The following HEPH variants were observed in gnomAD, a reference collection of about 807,000 sequenced individuals.
HEPH encodes hephaestin.
Under a neutral mutation model 80.8 loss-of-function variants are expected in HEPH, and 69 were observed. The observed-to-expected ratio is 0.85, with a 90% confidence interval of 0.70 to 1.04. HEPH has a LOEUF of 1.04. HEPH is among the 50% of genes least tolerant of loss of function. HEPH has a pLI of 0.00. For synonymous variants in HEPH, 431 were observed against 322.8 expected, an observed-to-expected ratio of 1.34 and a Z score of -3.60; for missense variants, 1,115 against 891.3, an observed-to-expected ratio of 1.25 and a Z score of -3.20.
chrX:66,224,583 G>C (rs1490265150), intron 15 of HEPH, among the ~76,000 whole-genome samples: 1 of 111,946 alleles, frequency 8.9e-6, no homozygotes, highest in African/African-American at 3.2e-5. Context: ...TTTTCTGTTA[G>C]CAAAGCTCTT....
intron 4 of HEPH, among the ~76,000 whole-genome samples, chrX:66,187,946 C>T (rs2087558721): frequency 9.0e-6 from 1 of 111,583 alleles, no homozygotes; most frequent in Non-Finnish European, 1.9e-5. Flanking sequence ...GGAGTCAAGT[C>T]GCATTGAAAT....
chrX:66,211,382 T>G (rs929135021), intron 15 of HEPH, among the ~76,000 whole-genome samples: 4 of 111,594 alleles, frequency 3.6e-5, no homozygotes, highest in Non-Finnish European at 7.6e-5. Context: ...GTATAATATA[T>G]TTTTGTTAAG....
In HEPH at chrX:66,207,315, A is replaced by G; in HGVS notation, c.2412A>G (p.Glu804=). ...FRIPRPRTGP[E]EHLGILGPLI... is the part of the protein sequence containing the mutation. ...TCCCTCGGCCAAGGACTGGACCAGA[A>G]GAACACTTGGGAATCTTGGGTAAGG... Residue 804 remains glutamate, a synonymous_variant, in exon 14 of 21, where the codon GAA becomes GAG. Transcript: ENST00000343002. 1 of 1,189,047 alleles carries G rather than the reference A, an allele frequency of 8.4e-7. No individual in the cohort carries two copies. Among genetic ancestry groups the G allele is most frequent in the Non-Finnish European group, 1.1e-6 (1 of 882,781 alleles).
intron 15 of HEPH, among the ~76,000 whole-genome samples, chrX:66,226,014 T>C (rs2089873999): frequency 9.0e-6 from 1 of 111,438 alleles, no homozygotes; most frequent in Non-Finnish European, 1.9e-5. Context: ...GTGAGAGGGT[T>C]GTGATCTATT....
chrX:66,252,571 G>T (rs1463008708), intron 15 of HEPH, among the ~76,000 whole-genome samples: 1 of 111,659 alleles, frequency 9.0e-6, no homozygotes, highest in Non-Finnish European at 1.9e-5. Context: ...GAATATTAGG[G>T]AGCCATTACA....
intron 15 of HEPH, among the ~76,000 whole-genome samples, chrX:66,226,399 A>G (rs1286060329): frequency 8.9e-6 from 1 of 112,289 alleles, no homozygotes; most frequent in Non-Finnish European, 1.9e-5. Context: ...CTGGAGAAAC[A>G]AGAACAAATC....
At chrX:66,262,588 G>C (rs1363597598) in intron 19 of HEPH, among the ~76,000 whole-genome samples, 1 of 111,842 alleles carries the variant, frequency 8.9e-6, no homozygotes, top group Admixed American at 9.5e-5. Context: ...CTTTACAATT[G>C]TGTTATTTTC....
At chrX:66,177,038 G>A (rs1161929636) in intron 4 of HEPH, among the ~76,000 whole-genome samples, 1 of 111,333 alleles carries the variant, frequency 9.0e-6, no homozygotes, top group Non-Finnish European at 1.9e-5. Flanking sequence ...GCAACCTACA[G>A]AATGGAAGAA....
At chrX:66,199,189 A>T (rs1215656159) in intron 11 of HEPH, among the ~76,000 whole-genome samples, 161 bp downstream of exon 11, 1 of 112,228 alleles carries the variant, frequency 8.9e-6, no homozygotes, top group East Asian at 2.8e-4. Flanking sequence ...CAGATCTTAT[A>T]CTTAGTACCT....
chrX:66,223,908 A>T (rs1212582319), intron 15 of HEPH, among the ~76,000 whole-genome samples: 1 of 111,724 alleles, frequency 9.0e-6, no homozygotes, highest in African/African-American at 3.2e-5. Context: ...TCTTGCATAA[A>T]TTCTTTTTTA....
At chrX:66,215,086 G>A (rs1466191083) in intron 15 of HEPH, among the ~76,000 whole-genome samples, 1 of 111,134 alleles carries the variant, frequency 9.0e-6, no homozygotes, top group Non-Finnish European at 1.9e-5. Flanking sequence ...ATTATTTGTT[G>A]GAATGGATTT....
Position 66,253,699 on chromosome X carries a change from T to C in HEPH, c.2564-1336T>C, listed in dbSNP as rs2091078836. Among the ~76,000 whole-genome samples the C allele has an allele frequency of 2.7e-5, 3 of 112,194 alleles. No homozygotes were observed. In the Admixed American group the frequency reaches 2.8e-4, roughly 11 times the overall value. On this transcript the variant is annotated intron_variant, in intron 15 of 20. Transcript: ENST00000343002. ...AAAGTGGAAATGACCCAAATGTTCA[T>C]CAACTGAAGAATGAATGAATAAAAT... is the stretch of plus-strand genomic sequence containing the variant.
chrX:66,247,733 A>G (rs1259919244), intron 15 of HEPH, among the ~76,000 whole-genome samples: 1 of 111,395 alleles, frequency 9.0e-6, no homozygotes, highest in Non-Finnish European at 1.9e-5. Context: ...AACTTTTCTC[A>G]AGGCTTGTTT....
chrX:66,239,380 C>T (rs1035557300), intron 15 of HEPH, among the ~76,000 whole-genome samples: 1 of 111,499 alleles, frequency 9.0e-6, no homozygotes, highest in South Asian at 3.8e-4. Context: ...CAGTATCTTC[C>T]ATTTGAATAC....
intron 12 of HEPH, among the ~76,000 whole-genome samples, chrX:66,201,908 G>A (rs2088480414): frequency 8.9e-6 from 1 of 112,140 alleles, no homozygotes; most frequent in Non-Finnish European, 1.9e-5. Flanking sequence ...AATAGATAAC[G>A]GTGGTAAGGG....
chrX:66,215,518 C>A (rs1480728493), intron 15 of HEPH, among the ~76,000 whole-genome samples: 1 of 111,338 alleles, frequency 9.0e-6, no homozygotes, highest in Non-Finnish European at 1.9e-5. Context: ...TTTAAATTTC[C>A]AAATGAACAA....
At chrX:66,221,640 G>A (rs1164969355) in intron 15 of HEPH, among the ~76,000 whole-genome samples, 1 of 112,691 alleles carries the variant, frequency 8.9e-6, no homozygotes, top group African/African-American at 3.2e-5. Context: ...AAGTCCAACT[G>A]CCATTTTTTT....
rs755587522 is a variant in HEPH, at chrX:66,203,468, C to T, written c.2182C>T (p.Arg728Cys). The change falls in exon 13 of 21, where the codon CGC (arginine) becomes TGC (cysteine). Residue 728 changes from arginine to cysteine, a missense_variant. Arg to Cys is a radical substitution (Grantham distance 180). Transcript: ENST00000343002. ...TGGCCACCAAGCCACCCCTCGCCAA[C>T]GCTACCAAGCTGCAAGAATCTACTA... ...CPGHQATPRQRYQAARIYYIM... is the reference protein window; with the variant it reads ...CPGHQATPRQCYQAARIYYIM... 22 of 1,208,767 alleles carry T rather than the reference C, an allele frequency of 1.8e-5. No individual in the cohort carries two copies. The highest frequency in any genetic ancestry group is 2.3e-4 in the Middle Eastern group (1 of 4,342).
chrX:66,173,962 A>AT lies in HEPH; in HGVS notation c.625+172dup, dbSNP rs58062602. Among the ~76,000 whole-genome samples, 230 of 102,367 alleles carry AT rather than the reference A, an allele frequency of 2.2e-3. 1 individual carries two copies. The highest frequency in any genetic ancestry group is 0.01 in the Middle Eastern group (2 of 197). 88.9% of individuals were successfully genotyped at this position (102,367 alleles called of 115,157 possible). A position where few individuals can be genotyped will look rare whatever the true frequency, so the allele number is the denominator to read the frequency against. ...ATCTCTGCTAAACTCACTTTGCACT[A>AT]TTTTTTTTTTTGCAATTTCATTACT... On this transcript the variant is annotated intron_variant, in intron 4 of 20. Coordinates refer to ENST00000343002, the MANE Select transcript of HEPH (RefSeq NM_001367233.3).
Sources: gnomAD v4.1 joint callset for allele counts (sites outside exome capture counted in the v4.1 genomes callset) on GRCh38, gnomAD v4.1.1 for gene constraint, MANE v1.5 for transcripts, NCBI Gene and HGNC (gene_info 2026-07-23, HGNC 2026-07-21) for gene names.